Variants in KLF12 observed in about 807,000 individuals in gnomAD.
KLF12 encodes KLF transcription factor 12, also known as Krueppel-like factor 12.
A neutral mutation model predicts 37.8 loss-of-function variants in KLF12; 9 were observed. The observed-to-expected ratio is 0.24, with a 90% confidence interval of 0.14 to 0.42. KLF12 has a LOEUF of 0.42. Ranked by LOEUF, KLF12 falls within the 10% of genes least tolerant of loss-of-function variation. KLF12 has a pLI of 1.00. For synonymous variants in KLF12, 208 were observed against 202.1 expected, an observed-to-expected ratio of 1.03 and a Z score of -0.25; for missense variants, 411 against 516.0, an observed-to-expected ratio of 0.80 and a Z score of 1.97.
chr13:74,110,321 G>C (rs1167936161), intron 1 of KLF12, among the ~76,000 whole-genome samples: 1 of 152,124 alleles, frequency 6.6e-6, no homozygotes, highest in Admixed American at 6.5e-5. Flanking sequence ...TTACAGGCCA[G>C]TCCTCAACAG....
At chr13:74,131,832 G>T (rs1159343874) in intron 1 of KLF12, among the ~76,000 whole-genome samples, 2 of 151,748 alleles carry the variant, frequency 1.3e-5, no homozygotes, top group Admixed American at 1.3e-4. Flanking sequence ...TATTAAATTG[G>T]CAGAATAATA....
chr13:74,056,804 T>C (rs1873269612), intron 1 of KLF12, among the ~76,000 whole-genome samples: 1 of 152,216 alleles, frequency 6.6e-6, no homozygotes, highest in South Asian at 2.1e-4. Flanking sequence ...TTAAGAGCCA[T>C]GTCTGCCTTT....
At chr13:73,713,343 A>C (rs1486597485) in intron 7 of KLF12, among the ~76,000 whole-genome samples, 3 of 152,206 alleles carry the variant, frequency 2.0e-5, no homozygotes, top group Non-Finnish European at 4.4e-5. Flanking sequence ...GGCCACTCAG[A>C]GCATTTAAGG....
intron 3 of KLF12, among the ~76,000 whole-genome samples, chr13:73,924,072 A>G (rs1016143733): frequency 6.6e-6 from 1 of 152,236 alleles, no homozygotes; most frequent in Non-Finnish European, 1.5e-5. Flanking sequence ...ATCATATGAA[A>G]AGGCAAAAGA....
intron 5 of KLF12, among the ~76,000 whole-genome samples, chr13:73,782,506 G>A (rs1349525771): frequency 2.6e-5 from 4 of 152,150 alleles, no homozygotes; most frequent in Admixed American, 1.3e-4. Context: ...TACCTAACTA[G>A]GGGAGTTTAT....
At chr13:74,199,426 T>G in the KLF12 span, among the ~76,000 whole-genome samples, 1 of 152,222 alleles carries the variant, frequency 6.6e-6, no homozygotes, top group Non-Finnish European at 1.5e-5. Flanking sequence ...TAAACCTGAC[T>G]GGTAGTGCAT....
intron 1 of KLF12, among the ~76,000 whole-genome samples, chr13:74,001,223 T>C (rs1268698884): frequency 6.6e-6 from 1 of 152,162 alleles, no homozygotes; most frequent in Non-Finnish European, 1.5e-5. Context: ...GTTAAAAATC[T>C]TTGGGGTTTT....
rs566551773 is a variant in KLF12 at position 73,928,753 on chromosome 13, C to G, written c.123+15228G>C. On this transcript the variant is annotated intron_variant, in intron 3 of 7. Transcript: ENST00000377669. ...TTGCCACTTTGTATCACAAAAAAAG[C>G]AACGTTAAACGTAGCTGATTCTGAC... Among the ~76,000 whole-genome samples the G allele has an allele frequency of 9.2e-5, 14 of 152,274 alleles. No homozygotes were observed. In the South Asian group the frequency reaches 2.9e-3, roughly 32 times the overall value.
intron 4 of KLF12, among the ~76,000 whole-genome samples, chr13:73,838,992 GCATCAAGGTTAC>G (rs1884587857): frequency 6.6e-6 from 1 of 152,068 alleles, no homozygotes; most frequent in Non-Finnish European, 1.5e-5. Flanking sequence ...TCACTCCCAG[GCATCAAGGTTAC>G]CATCAAGGTT....
chr13:74,192,672 G>A, the KLF12 span, among the ~76,000 whole-genome samples: 4 of 146,426 alleles, frequency 2.7e-5, no homozygotes, highest in Non-Finnish European at 6.1e-5. Context: ...CAATTCAATG[G>A]CAGAGCTATG....
At chr13:73,892,793 C>T (rs1887572301) in intron 3 of KLF12, among the ~76,000 whole-genome samples, 1 of 152,168 alleles carries the variant, frequency 6.6e-6, no homozygotes, top group Non-Finnish European at 1.5e-5. Flanking sequence ...GTAGTATATG[C>T]ACAGACCACT....
At chr13:73,901,319 A>G (rs1404751150) in intron 3 of KLF12, among the ~76,000 whole-genome samples, 2 of 152,224 alleles carry the variant, frequency 1.3e-5, no homozygotes, top group Admixed American at 1.3e-4. Context: ...CTACCTAATG[A>G]TAATTACAGT....
At chr13:73,743,022 TAA>T (rs61569247) in intron 6 of KLF12, among the ~76,000 whole-genome samples, 2 of 147,712 alleles carry the variant, frequency 1.4e-5, no homozygotes, top group Admixed American at 6.7e-5. Flanking sequence ...TCTTCGGGAT[TAA>T]AAAAAAAAAA....
At chr13:74,269,913 T>C in the KLF12 span, among the ~76,000 whole-genome samples, 3 of 152,188 alleles carry the variant, frequency 2.0e-5, no homozygotes, top group African/African-American at 7.2e-5. Flanking sequence ...ATTAGTGTTG[T>C]TGGTATTCAG....
chr13:73,994,592 C>A (rs929755417), intron 2 of KLF12, among the ~76,000 whole-genome samples: 1 of 151,960 alleles, frequency 6.6e-6, no homozygotes, highest in African/African-American at 2.4e-5. Context: ...CATTTGACAG[C>A]AATCATGCAC....
chr13:73,868,327 T>TGC (rs1886286026), intron 3 of KLF12, among the ~76,000 whole-genome samples: 1 of 35,974 alleles, frequency 2.8e-5, no homozygotes, highest in Non-Finnish European at 5.0e-5. Context: ...GCGGGGGCGG[T>TGC]GGGGGGGGGG....
chr13:73,787,449 T>C (rs1188403876), intron 5 of KLF12, among the ~76,000 whole-genome samples: 1 of 148,528 alleles, frequency 6.7e-6, no homozygotes, highest in Non-Finnish European at 1.5e-5. Flanking sequence ...AGATACTTTA[T>C]CCAATTATTG....
At position 73,963,496 on chromosome 13, in the gene KLF12, T is replaced by C. The variant is rs1249738576; in HGVS notation, c.34-19426A>G. ...TTATTTTCAATTTTAGAATGGATTATATAAACGTTAAAAAATGGTTTTAGG... is the reference window on the plus strand; with the variant it reads ...TTATTTTCAATTTTAGAATGGATTACATAAACGTTAAAAAATGGTTTTAGG... On this transcript the variant is annotated intron_variant, in intron 2 of 7. Transcript: ENST00000377669. 2.0e-5 allele frequency among the ~76,000 whole-genome samples: 3 copies of C among 152,216 alleles called. No individual in the cohort carries two copies. In the South Asian group the frequency reaches 6.2e-4, roughly 32 times the overall value.
At position 73,694,922 on chromosome 13, in the gene KLF12, C is replaced by G. The variant is rs948419786; in HGVS notation, c.*568G>C. Reference sequence around the variant, plus strand: ...GAGAGTGATATCTAGTGGCTGCCATCGCGATTGCAAAGGGCTGCCTGAGTG... The same window carrying G: ...GAGAGTGATATCTAGTGGCTGCCATGGCGATTGCAAAGGGCTGCCTGAGTG... On this transcript the variant is annotated 3_prime_UTR_variant, in exon 8 of 8. Transcript: ENST00000377669. 6.6e-6 allele frequency: 1 copy of G among 152,616 alleles called. No individual in the cohort carries two copies. Among genetic ancestry groups the G allele is most frequent in the African/African-American group, 2.4e-5 (1 of 41,422 alleles). The allele number at this position is 152,616 out of a possible 1,614,324, so 9.5% of individuals were successfully genotyped here.
Sources: allele counts gnomAD v4.1 joint callset (sites outside exome capture counted in the v4.1 genomes callset), GRCh38; gene constraint gnomAD v4.1.1; transcripts MANE v1.5; gene names NCBI Gene and HGNC (gene_info 2026-07-23, HGNC 2026-07-21).